The following IL17RD variants were observed in gnomAD, a reference collection of about 807,000 sequenced individuals.
IL17RD encodes interleukin 17 receptor D.
Under a neutral mutation model 80.5 loss-of-function variants are expected in IL17RD, and 52 were observed. That is an observed-to-expected ratio of 0.65 (90% CI 0.52 to 0.81). The LOEUF (loss-of-function observed/expected upper bound fraction) is 0.81, where lower values mean the gene tolerates loss of function less well. Ranked by LOEUF, IL17RD falls within the 40% of genes least tolerant of loss-of-function variation. The pLI, the probability that IL17RD is intolerant of heterozygous loss-of-function variation, is 0.00. For synonymous variants in IL17RD, 416 were observed against 391.8 expected (o/e 1.06, Z -0.73); for missense variants, 1,024 against 955.1 (o/e 1.07, Z -0.95).
At chr3:57,168,750 C>G (rs2066125724), upstream of IL17RD, among the ~76,000 whole-genome samples, 1 of 152,052 alleles carries the variant, frequency 6.6e-6, no homozygotes, top group Admixed American at 6.6e-5. Context: ...GAGTTTTGCC[C>G]TTGTTGCCCA....
chr3:57,148,324 C>CAAAAA (rs34343372), intron 1 of IL17RD, among the ~76,000 whole-genome samples: 2 of 104,066 alleles, frequency 1.9e-5, no homozygotes, highest in African/African-American at 3.3e-5. Flanking sequence ...GACTCTATCT[C>CAAAAA]AAAAAAAAAA....
At chr3:57,164,126 A>T (rs1381262516) in intron 1 of IL17RD, among the ~76,000 whole-genome samples, 1 of 152,240 alleles carries the variant, frequency 6.6e-6, no homozygotes, top group Non-Finnish European at 1.5e-5. Flanking sequence ...ATATGAAGAA[A>T]TTGAGGCTCA....
At chr3:57,134,020 A>T (rs1707667584) in intron 1 of IL17RD, 1 of 318,228 alleles carries the variant, frequency 3.1e-6, no homozygotes, top group Non-Finnish European at 5.8e-6. Flanking sequence ...AGCTAACCAG[A>T]AAAGATTAAA....
chr3:57,121,232 G>A (rs1259732647), intron 1 of IL17RD, among the ~76,000 whole-genome samples: 1 of 152,236 alleles, frequency 6.6e-6, no homozygotes, highest in African/African-American at 2.4e-5. Context: ...CAAGAAGGAT[G>A]TTGGAGGGAA....
Position 57,114,774 on chromosome 3 carries a change from A to G in IL17RD, c.228T>C (p.Ala76=). 6.2e-7 allele frequency: 1 copy of G among 1,611,952 alleles called. No individual in the cohort carries two copies. Among genetic ancestry groups the G allele is most frequent in the African/African-American group, 1.3e-5 (1 of 75,000 alleles). ...YLNPVGKHVI[A]DAQNITISQY... Reference sequence around the variant, plus strand: ...GGCTGATGGTGATATTCTGGGCGTCAGCAATCACATGCTTCCCCACTGGAT... The same window carrying G: ...GGCTGATGGTGATATTCTGGGCGTCGGCAATCACATGCTTCCCCACTGGAT... Residue 76 remains alanine (A), a synonymous_variant, in exon 3 of 13, where the codon GCT becomes GCC. Transcript: ENST00000296318.
upstream of IL17RD, among the ~76,000 whole-genome samples, chr3:57,167,934 G>A (rs1041388858): frequency 1.3e-5 from 2 of 152,118 alleles, no homozygotes; most frequent in African/African-American, 2.4e-5. Flanking sequence ...AGGTTCAAGC[G>A]ATTCTCCTGC....
rs1408664571 is a variant in IL17RD at position 57,094,071 on chromosome 3, T to C, written c.*2322A>G. On this transcript the variant is annotated 3_prime_UTR_variant, in exon 13 of 13. Transcript: ENST00000296318. ...CCATAATATCTAAAAGCCTGTGACTTGGCAGAACGTTTTTCTGAATTTCAT... is the reference window on the plus strand; with the variant it reads ...CCATAATATCTAAAAGCCTGTGACTCGGCAGAACGTTTTTCTGAATTTCAT... 2 of 152,220 alleles carry C rather than the reference T, an allele frequency of 1.3e-5. No homozygotes were observed. Among genetic ancestry groups the C allele is most frequent in the Admixed American group, 1.3e-4 (2 of 15,278 alleles). 9.4% of individuals were successfully genotyped at this position (152,220 alleles called of 1,614,324 possible). A position where few individuals can be genotyped will look rare whatever the true frequency, so the allele number is the denominator to read the frequency against.
chr3:57,160,347 G>C (rs962123353), intron 1 of IL17RD, among the ~76,000 whole-genome samples: 8 of 152,192 alleles, frequency 5.3e-5, no homozygotes, highest in African/African-American at 1.9e-4. Flanking sequence ...AATGAAGCAT[G>C]AAAAATACTT....
At chr3:57,113,811 G>A (rs1239299237) in intron 3 of IL17RD, among the ~76,000 whole-genome samples, 1 of 152,002 alleles carries the variant, frequency 6.6e-6, no homozygotes, top group Non-Finnish European at 1.5e-5. Flanking sequence ...CCAAAGTGCT[G>A]AGATTACAGG....
At chr3:57,103,235 A>G in intron 8 of IL17RD, 90 bp from the exon 9 acceptor site, 1 of 1,156,578 alleles carries the variant, frequency 8.6e-7, no homozygotes, top group Non-Finnish European at 1.3e-6. Flanking sequence ...CATCTTTTCC[A>G]TCAGTGGGCA....
intron 1 of IL17RD, among the ~76,000 whole-genome samples, chr3:57,148,630 A>G (rs985815590): frequency 1.3e-5 from 2 of 152,212 alleles, no homozygotes; most frequent in African/African-American, 2.4e-5. Context: ...ACATAAATCA[A>G]TGGGGGTCGA....
At position 57,092,029 on chromosome 3, in the gene IL17RD, C is replaced by T. The variant is rs145005299; in HGVS notation, c.*4364G>A. ...ATGACCCAACACCCCATTTGGACTC[C>T]TAACTGATATCTCAGTATCAGGAAA... On this transcript the variant is annotated 3_prime_UTR_variant, in exon 13 of 13. Transcript: ENST00000296318. 5.2e-5 allele frequency: 8 copies of T among 152,746 alleles called. No homozygotes were observed. The East Asian group carries it at 1.5e-3, about 29-fold the overall frequency. 9.5% of individuals were successfully genotyped at this position (152,746 alleles called of 1,614,324 possible).
chr3:57,103,038 A>G (rs1706872197), intron 9 of IL17RD, 53 bp downstream of exon 9: 1 of 1,283,790 alleles, frequency 7.8e-7, no homozygotes, highest in Non-Finnish European at 1.1e-6. Context: ...AGAGTATCAC[A>G]TACCTTGGTC....
intron 1 of IL17RD, among the ~76,000 whole-genome samples, chr3:57,132,648 A>C (rs1707636381): frequency 1.3e-5 from 2 of 152,212 alleles, no homozygotes; most frequent in Admixed American, 1.3e-4. Flanking sequence ...TGAACTTTAC[A>C]AAGTAGAAAC....
Position 57,092,704 on chromosome 3 carries a change from G to A in IL17RD, c.*3689C>T, listed in dbSNP as rs151117950. 3.0e-4 allele frequency: 45 copies of A among 152,292 alleles called. 1 individual carries two copies. The highest frequency in any genetic ancestry group is 8.4e-4 in the African/African-American group (35 of 41,558). 9.4% of individuals were successfully genotyped at this position (152,292 alleles called of 1,614,324 possible). A position where few individuals can be genotyped will look rare whatever the true frequency, so the allele number is the denominator to read the frequency against. On this transcript the variant is annotated 3_prime_UTR_variant, in exon 13 of 13. Transcript: ENST00000296318. ...TTAAGACACTGTGAAATGTAAAGAC[G>A]CAATCAAGACATGTCCAGTGCATTC... is the stretch of plus-strand genomic sequence containing the variant.
At chr3:57,104,658 T>C (rs1706911563) in intron 7 of IL17RD, among the ~76,000 whole-genome samples, 1 of 152,230 alleles carries the variant, frequency 6.6e-6, no homozygotes, top group Non-Finnish European at 1.5e-5. Flanking sequence ...TCAGCAGGAA[T>C]ATTTGATTTG....
intron 10 of IL17RD, among the ~76,000 whole-genome samples, chr3:57,101,826 C>G (rs1488740763): frequency 6.6e-6 from 1 of 152,142 alleles, no homozygotes; most frequent in African/African-American, 2.4e-5. Context: ...TAATCCTCAC[C>G]CAGACCAAGC....
At position 57,098,111 on chromosome 3, in the gene IL17RD, C is replaced by G. The variant is rs564636157; in HGVS notation, c.1592G>C (p.Arg531Thr). 2.5e-6 allele frequency: 4 copies of G among 1,613,862 alleles called. No homozygotes were observed. The highest frequency in any genetic ancestry group is 3.4e-6 in the Non-Finnish European group (4 of 1,179,900). ...PGQHTRQGSR[R>T]NYFRSKSGRS... The stretch of plus-strand genomic sequence containing the variant: ...GCCTGACTTGCTCCGGAAGTAGTTC[C>G]TTCTGCTGCCCTGTCGCGTGTGCTG... The change falls in exon 12 of 13, where the codon AGG becomes ACG. Residue 531 changes from arginine (R) to threonine (T), a missense_variant. Coordinates refer to ENST00000296318, the MANE Select transcript of IL17RD (RefSeq NM_017563.5).
chr3:57,106,224 A>C, intron 5 of IL17RD, 70 bp from the exon 6 acceptor site: 1 of 1,121,036 alleles, frequency 8.9e-7, no homozygotes, highest in Non-Finnish European at 1.3e-6. Context: ...CCAACAACCC[A>C]ATGAAATATA....
Sources: allele counts gnomAD v4.1 joint callset (sites outside exome capture counted in the v4.1 genomes callset), GRCh38; gene constraint gnomAD v4.1.1; transcripts MANE v1.5; gene names NCBI Gene and HGNC (gene_info 2026-07-23, HGNC 2026-07-21).